The following DPYD variants were observed in gnomAD, a reference collection of about 807,000 sequenced individuals.
The protein encoded by DPYD is dihydropyrimidine dehydrogenase [NADP(+)].
Under a neutral mutation model 116.2 loss-of-function variants are expected in DPYD, and 109 were observed. The observed-to-expected ratio is 0.94, with a 90% confidence interval of 0.80 to 1.10. The LOEUF (loss-of-function observed/expected upper bound fraction) is 1.10. DPYD is among the 50% of genes least tolerant of loss of function. DPYD has a pLI of 0.00. For synonymous variants in DPYD, 440 were observed against 432.0 expected, an observed-to-expected ratio of 1.02 and a Z score of -0.23; for missense variants, 1,302 against 1,254.5, an observed-to-expected ratio of 1.04 and a Z score of -0.57.
intron 13 of DPYD, among the ~76,000 whole-genome samples, chr1:97,484,219 G>A (rs2101888266): frequency 6.6e-6 from 1 of 152,254 alleles, no homozygotes; most frequent in African/African-American, 2.4e-5. Context: ...TAGGAGAATC[G>A]TTTGAAGCCG....
At chr1:97,776,027 A>T (rs2101184204) in intron 3 of DPYD, among the ~76,000 whole-genome samples, 1 of 152,264 alleles carries the variant, frequency 6.6e-6, no homozygotes, top group East Asian at 1.9e-4. Flanking sequence ...TTGGGAGGGA[A>T]AGCAGGTGGG....
intron 3 of DPYD, among the ~76,000 whole-genome samples, chr1:97,805,959 G>A (rs899795556): frequency 7.2e-5 from 11 of 151,746 alleles, no homozygotes; most frequent in African/African-American, 2.7e-4. Flanking sequence ...AATGTAAACT[G>A]TCAGACCTGA....
chr1:97,119,953 A>G (rs1404815482), intron 20 of DPYD, among the ~76,000 whole-genome samples: 1 of 152,164 alleles, frequency 6.6e-6, no homozygotes, highest in Non-Finnish European at 1.5e-5. Context: ...AAATGTGGCT[A>G]ATTCTCATCC....
intron 20 of DPYD, among the ~76,000 whole-genome samples, chr1:97,162,834 A>G (rs1656029892): frequency 1.3e-5 from 2 of 151,988 alleles, no homozygotes; most frequent in East Asian, 1.9e-4. Context: ...CCACATATCT[A>G]CAACTATCTG....
intron 10 of DPYD, among the ~76,000 whole-genome samples, chr1:97,583,579 C>A (rs780844578): frequency 6.6e-6 from 1 of 151,536 alleles, no homozygotes; most frequent in Non-Finnish European, 1.5e-5. Context: ...TTTCTGCCAC[C>A]TGCTAATACT....
chr1:97,343,261 C>T (rs1172089102), intron 16 of DPYD, among the ~76,000 whole-genome samples: 2 of 152,048 alleles, frequency 1.3e-5, no homozygotes, highest in Admixed American at 6.6e-5. Flanking sequence ...CCATTATTCT[C>T]TTCAATTGTC....
At chr1:97,240,650 G>C (rs1293213681) in intron 18 of DPYD, among the ~76,000 whole-genome samples, 1 of 151,846 alleles carries the variant, frequency 6.6e-6, no homozygotes, top group East Asian at 1.9e-4. Flanking sequence ...GAATTAAGTG[G>C]ATAACAAATT....
intron 3 of DPYD, among the ~76,000 whole-genome samples, chr1:97,782,569 T>C (rs1305611471): frequency 6.6e-6 from 1 of 152,218 alleles, no homozygotes; most frequent in Non-Finnish European, 1.5e-5. Flanking sequence ...CCCATTTTAC[T>C]AAACTGTATT....
At chr1:97,718,509 A>G (rs983804150) in intron 5 of DPYD, among the ~76,000 whole-genome samples, 6 of 152,000 alleles carry the variant, frequency 3.9e-5, no homozygotes, top group African/African-American at 1.4e-4. Context: ...ATCATAATCC[A>G]GTATATTCCT....
At chr1:97,325,075 G>T (rs1349227892) in intron 16 of DPYD, among the ~76,000 whole-genome samples, 1 of 151,988 alleles carries the variant, frequency 6.6e-6, no homozygotes, top group Non-Finnish European at 1.5e-5. Context: ...TCTTTAAAGT[G>T]CTTGATATAC....
intron 16 of DPYD, among the ~76,000 whole-genome samples, chr1:97,325,034 C>T (rs1455576274): frequency 1.3e-5 from 2 of 151,986 alleles, no homozygotes. Flanking sequence ...GTTGATAAAA[C>T]AGTTGATGAA....
intron 19 of DPYD, among the ~76,000 whole-genome samples, chr1:97,228,689 C>T (rs1570715818): frequency 6.6e-6 from 1 of 152,036 alleles, no homozygotes; most frequent in Non-Finnish European, 1.5e-5. Flanking sequence ...TCTGGTTATA[C>T]CTGCTATAAA....
At chr1:97,218,469 T>A (rs1009932678) in intron 19 of DPYD, among the ~76,000 whole-genome samples, 2 of 151,716 alleles carry the variant, frequency 1.3e-5, no homozygotes, top group African/African-American at 2.4e-5. Flanking sequence ...TTCTCAGAGC[T>A]TGGTTATATT....
intron 14 of DPYD, among the ~76,000 whole-genome samples, chr1:97,404,171 G>A (rs368620996): frequency 1.3e-5 from 2 of 151,778 alleles, no homozygotes; most frequent in Non-Finnish European, 2.9e-5. Context: ...TATGATTTCT[G>A]TCCTTTTAAA....
chr1:97,507,880 GA>G (rs1647464579), intron 13 of DPYD, among the ~76,000 whole-genome samples: 1 of 151,898 alleles, frequency 6.6e-6, no homozygotes, highest in South Asian at 2.1e-4. Context: ...ATTATGAAAA[GA>G]AAAACAGAAC....
intron 3 of DPYD, among the ~76,000 whole-genome samples, chr1:97,750,489 G>A (rs941986165): frequency 7.2e-5 from 11 of 152,002 alleles, no homozygotes; most frequent in African/African-American, 1.7e-4. Flanking sequence ...TATTGTTTGC[G>A]TTTTTTGCAA....
intron 19 of DPYD, among the ~76,000 whole-genome samples, chr1:97,208,695 A>G (rs1313017088): frequency 6.6e-6 from 1 of 152,124 alleles, no homozygotes; most frequent in Non-Finnish European, 1.5e-5. Context: ...TTATGGACTA[A>G]TCTTCCGGTT....
chr1:97,842,522 T>G lies in DPYD; in HGVS notation c.151-14326A>C, dbSNP rs114610798. ...TGAGTAATCCAAATATTTCAATGCT[T>G]TCTACAATTCATACAGGAACTTATG... On this transcript the variant is annotated intron_variant, in intron 2 of 22. Transcript: ENST00000370192. Among the ~76,000 whole-genome samples the G allele has an allele frequency of 6.8e-3, 1,034 of 152,158 alleles. 8 individuals carry two copies. Among genetic ancestry groups the G allele is most frequent in the African/African-American group, 0.024 (981 of 41,570 alleles).
intron 16 of DPYD, among the ~76,000 whole-genome samples, chr1:97,311,340 C>A (rs991201704): frequency 6.6e-6 from 1 of 151,686 alleles, no homozygotes; most frequent in African/African-American, 2.4e-5. Flanking sequence ...CTTTAACATA[C>A]TTCGTTCAAC....
Sources: allele counts gnomAD v4.1 joint callset (sites outside exome capture counted in the v4.1 genomes callset), GRCh38; gene constraint gnomAD v4.1.1; transcripts MANE v1.5; gene names NCBI Gene and HGNC (gene_info 2026-07-23, HGNC 2026-07-21).